SBNO1: variants seen among roughly 807,000 people sequenced by gnomAD.
SBNO1 encodes strawberry notch homolog 1.
A neutral mutation model predicts 173.6 loss-of-function variants in SBNO1; 23 were observed. That is an observed-to-expected ratio of 0.13 (90% CI 0.10 to 0.19). SBNO1 has a LOEUF of 0.19. Among genes scored for constraint, SBNO1 ranks in the 10% least tolerant of loss-of-function variants. The probability of loss-of-function intolerance (pLI) is 1.00; values close to 1 mark genes in which losing one functional copy is unlikely to be tolerated. For synonymous variants in SBNO1, 632 were observed against 571.5 expected (o/e 1.11, Z -1.51); for missense variants, 1,238 against 1,671.2 (o/e 0.74, Z 4.52).
At chr12:123,341,968 C>T (rs1872616111) in intron 4 of SBNO1, among the ~76,000 whole-genome samples, 1 of 151,746 alleles carries the variant, frequency 6.6e-6, no homozygotes, top group Admixed American at 6.6e-5. Flanking sequence ...CAGAAAGATA[C>T]CCAAAAGCCA....
chr12:123,295,646 A>C lies in SBNO1; in HGVS notation c.*262T>G. ...AACAGACTGACACACACGCACACAC[A>C]CATCCCCCTCTGCTCACCCGAAGTA... On this transcript the variant is annotated 3_prime_UTR_variant, in exon 32 of 32. Transcript: ENST00000602398. 2.4e-6 allele frequency: 1 copy of C among 423,148 alleles called. No homozygotes were observed. The allele number at this position is 423,148 out of a possible 1,614,324, so 26.2% of individuals were successfully genotyped here. A position where few individuals can be genotyped will look rare whatever the true frequency, so the allele number is the denominator to read the frequency against.
At chr12:123,296,562 T>TG (rs1049343285) in intron 31 of SBNO1, among the ~76,000 whole-genome samples, 6 of 151,540 alleles carry the variant, frequency 4.0e-5, no homozygotes, top group Admixed American at 1.3e-4. Context: ...TGTGTTTTTT[T>TG]TTTTGTTTTT....
intron 6 of SBNO1, among the ~76,000 whole-genome samples, chr12:123,335,589 A>G (rs1871744180): frequency 6.6e-6 from 1 of 152,234 alleles, no homozygotes; most frequent in African/African-American, 2.4e-5. Flanking sequence ...TCAGAGAATG[A>G]TTTTGCCGTT....
chr12:123,363,155 G>C (rs1875584700), intron 1 of SBNO1, among the ~76,000 whole-genome samples: 1 of 152,052 alleles, frequency 6.6e-6, no homozygotes, highest in Non-Finnish European at 1.5e-5. Flanking sequence ...AAGATAAAAA[G>C]CAGAAGCCAG....
At chr12:123,329,571 C>T (rs980050721) in intron 9 of SBNO1, among the ~76,000 whole-genome samples, 2 of 151,780 alleles carry the variant, frequency 1.3e-5, no homozygotes, top group Non-Finnish European at 2.9e-5. Flanking sequence ...TGTTAATGTG[C>T]CTTTCTAATA....
chr12:123,333,344 A>G (rs1371698384), intron 7 of SBNO1, among the ~76,000 whole-genome samples: 1 of 152,126 alleles, frequency 6.6e-6, no homozygotes, highest in Non-Finnish European at 1.5e-5. Context: ...ATAATATCAC[A>G]GTTTATGCAA....
At chr12:123,325,708 C>T in intron 14 of SBNO1, 109 bp from the exon 15 acceptor site, 3 of 767,658 alleles carry the variant, frequency 3.9e-6, no homozygotes. Context: ...AGAATGTCCT[C>T]ATTATTATAA....
At chr12:123,317,389 T>C (rs1005360846) in intron 20 of SBNO1, 33 bp from the exon 21 acceptor site, 3 of 1,610,230 alleles carry the variant, frequency 1.9e-6, no homozygotes, top group Non-Finnish European at 1.7e-6. Flanking sequence ...AAAGTCACTT[T>C]TGCATAAGAA....
chr12:123,353,994 A>G (rs563618442), intron 1 of SBNO1, among the ~76,000 whole-genome samples: 3 of 152,224 alleles, frequency 2.0e-5, no homozygotes, highest in Non-Finnish European at 4.4e-5. Flanking sequence ...TAATATTCAA[A>G]AGTGTAGAGA....
chr12:123,308,957 C>G (rs2048989380), intron 28 of SBNO1, among the ~76,000 whole-genome samples: 1 of 152,052 alleles, frequency 6.6e-6, no homozygotes, highest in Non-Finnish European at 1.5e-5. Context: ...TACATGTCAG[C>G]CAGGCCTAGT....
intron 4 of SBNO1, 62 bp downstream of exon 4, chr12:123,345,196 A>G (rs1872985008): frequency 7.1e-7 from 1 of 1,415,974 alleles, no homozygotes; most frequent in South Asian, 1.3e-5. Flanking sequence ...AAATCGTTTA[A>G]AAAAACATGC....
intron 20 of SBNO1, 150 bp downstream of exon 20, chr12:123,319,750 C>A (rs1869739027): frequency 1.5e-6 from 1 of 669,298 alleles, no homozygotes; most frequent in Non-Finnish European, 2.5e-6. Flanking sequence ...AAAACACGTA[C>A]AATATTCAGT....
intron 1 of SBNO1, among the ~76,000 whole-genome samples, chr12:123,355,930 AAACAATAGCC>A (rs1874413275): frequency 6.6e-6 from 1 of 152,214 alleles, no homozygotes; most frequent in African/African-American, 2.4e-5. Flanking sequence ...GAATACTGAG[AAACAATAGCC>A]AACCAGAAGA....
rs910652309 is a variant in SBNO1, at chr12:123,294,588, C to A, written c.*1320G>T. ...GATTTTGGCATCTTGCAGCTTTTTA[C>A]CAGGTTTATACAATCTCGATTTTTC... On this transcript the variant is annotated 3_prime_UTR_variant, in exon 32 of 32. Transcript: ENST00000602398. 1 of 120,286 alleles carries A rather than the reference C, an allele frequency of 8.3e-6. No individual in the cohort carries two copies. The highest frequency in any genetic ancestry group is 1.6e-5 in the Non-Finnish European group (1 of 64,330). 7.5% of individuals were successfully genotyped at this position (120,286 alleles called of 1,614,324 possible).
intron 29 of SBNO1, 130 bp from the exon 30 acceptor site, chr12:123,303,030 T>C: frequency 1.5e-6 from 1 of 666,642 alleles, no homozygotes; most frequent in Non-Finnish European, 2.6e-6. Flanking sequence ...CCCTTGCTAT[T>C]AACTGAATCT....
chr12:123,337,689 G>A (rs888188953), intron 5 of SBNO1, among the ~76,000 whole-genome samples: 3 of 152,142 alleles, frequency 2.0e-5, no homozygotes, highest in African/African-American at 7.2e-5. Context: ...AAACAGGACT[G>A]GCCAAATGAA....
chr12:123,349,870 G>A (rs1240607079), intron 2 of SBNO1, among the ~76,000 whole-genome samples: 1 of 151,636 alleles, frequency 6.6e-6, no homozygotes, highest in Admixed American at 6.6e-5. Context: ...CTGAGATTGC[G>A]CCACTGCACT....
In SBNO1 at chr12:123,326,115, A is replaced by ACC. The variant is rs111400678; in HGVS notation, c.1875+35_1875+36dup. 31 of 1,436,208 alleles carry ACC rather than the reference A, an allele frequency of 2.2e-5. No individual in the cohort carries two copies. In the South Asian group the frequency reaches 4.1e-4, roughly 19 times the overall value. The allele number at this position is 1,436,208 out of a possible 1,614,324, so 89.0% of individuals were successfully genotyped here. A position where few individuals can be genotyped will look rare whatever the true frequency, so the allele number is the denominator to read the frequency against. The stretch of plus-strand genomic sequence containing the variant: ...GCACCCACAAAGACTAAACAACATA[A>ACC]CCCCCAAACAATCTCTTAATGAGTT... On this transcript the variant is annotated intron_variant, in intron 14 of 31. Transcript: ENST00000602398.
At chr12:123,351,306 C>T (rs1482224760) in intron 1 of SBNO1, among the ~76,000 whole-genome samples, 1 of 151,972 alleles carries the variant, frequency 6.6e-6, no homozygotes, top group African/African-American at 2.4e-5. Flanking sequence ...ACAAGTTTTC[C>T]GATTGAGGAC....
Sources: allele counts gnomAD v4.1 joint callset (sites outside exome capture counted in the v4.1 genomes callset), GRCh38; gene constraint gnomAD v4.1.1; transcripts MANE v1.5; gene names NCBI Gene and HGNC (gene_info 2026-07-23, HGNC 2026-07-21).